GFPT2: variants seen among roughly 807,000 people sequenced by gnomAD.
GFPT2 encodes the protein glutamine--fructose-6-phosphate transaminase 2.
In GFPT2, 62 loss-of-function variants were observed where a neutral mutation model predicts 85.6. The ratio of observed to expected loss-of-function variants is 0.72; its 90% CI spans 0.59 to 0.90. The LOEUF (loss-of-function observed/expected upper bound fraction) is 0.90, where lower values mean the gene tolerates loss of function less well. Ranked by LOEUF, GFPT2 falls within the 40% of genes least tolerant of loss-of-function variation. The pLI is 0.00. For missense variants in GFPT2, 788 were observed against 893.4 expected (o/e 0.88, Z 1.50); for synonymous variants, 368 against 344.5 (o/e 1.07, Z -0.75).
At chr5:180,305,820 G>A (rs1472017419) in intron 16 of GFPT2, among the ~76,000 whole-genome samples, 1 of 152,172 alleles carries the variant, frequency 6.6e-6, no homozygotes, top group Non-Finnish European at 1.5e-5. Context: ...AGCAGCACCT[G>A]CCTGTTCTTT....
intron 1 of GFPT2, among the ~76,000 whole-genome samples, chr5:180,350,977 C>T (rs1764700579): frequency 6.6e-6 from 1 of 152,244 alleles, no homozygotes; most frequent in Non-Finnish European, 1.5e-5. Flanking sequence ...ACAGACTTCG[C>T]AGGGCCTCAG....
At chr5:180,335,992 C>T (rs1435511101) in intron 3 of GFPT2, 39 bp from the exon 4 acceptor site, 1 of 1,541,508 alleles carries the variant, frequency 6.5e-7, no homozygotes, top group Non-Finnish European at 8.7e-7. Flanking sequence ...ACTTGAACAA[C>T]AAGCCTCGAC....
intron 3 of GFPT2, 184 bp downstream of exon 3, chr5:180,336,295 C>G: frequency 1.6e-6 from 1 of 632,362 alleles, no homozygotes; most frequent in Non-Finnish European, 2.8e-6. Context: ...CATGCGCCGC[C>G]ACCACCTAAA....
rs1763916442 is a variant in GFPT2, at chr5:180,312,666, G to A, written c.1432-122C>T. 1.9e-5 allele frequency: 12 copies of A among 617,664 alleles called. No homozygotes were observed. The South Asian group carries it at 2.2e-4, about 11-fold the overall frequency. 38.3% of individuals were successfully genotyped at this position (617,664 alleles called of 1,614,324 possible). A position where few individuals can be genotyped will look rare whatever the true frequency, so the allele number is the denominator to read the frequency against. On this transcript the variant is annotated intron_variant, in intron 14 of 18. Transcript: ENST00000253778. ...TGCAGTGGCGAGATCACGGCTCACT[G>A]CAGCCTCAACCTCCTCAAGTGATTC...
At chr5:180,336,336 T>C (rs958366928) in intron 3 of GFPT2, 143 bp downstream of exon 3, 4 of 698,772 alleles carry the variant, frequency 5.7e-6, no homozygotes, top group African/African-American at 1.8e-5. Context: ...CGAAGCCCGG[T>C]TTTACAGCAC....
In GFPT2 at chr5:180,345,779, G is replaced by C. The variant is rs28667546; in HGVS notation, c.8-7179C>G. 3.4e-4 allele frequency among the ~76,000 whole-genome samples: 51 copies of C among 152,168 alleles called. 1 individual carries two copies. The highest frequency in any genetic ancestry group is 2.6e-3 in the Admixed American group (39 of 15,288). Reference sequence around the variant, plus strand: ...AGATGGAGGAATGCCAGAGAAGGTAGCCTTTGAGCTGGGTCTGAGACAGCC... The same window carrying C: ...AGATGGAGGAATGCCAGAGAAGGTACCCTTTGAGCTGGGTCTGAGACAGCC... On this transcript the variant is annotated intron_variant, in intron 1 of 18. Transcript: ENST00000253778.
In GFPT2 at chr5:180,313,866, C is replaced by G. The variant is rs1422272689; in HGVS notation, c.1372G>C (p.Glu458Gln). ...TNTVGSSISR[E>Q]TDCGVHINAG... ...TTGATGTGGACGCCGCAGTCGGTCT[C>G]GCGAGAGATGGAGCTGCCCACGGTG... The change falls in exon 14 of 19, where the codon GAG becomes CAG. Residue 458 changes from glutamate (E) to glutamine (Q), a missense_variant. Transcript: ENST00000253778. The G allele has an allele frequency of 5.0e-6, 8 of 1,603,694 alleles. No homozygotes were observed. The highest frequency in any genetic ancestry group is 6.8e-6 in the Non-Finnish European group (8 of 1,178,046).
intron 12 of GFPT2, 101 bp downstream of exon 12, chr5:180,316,663 G>T: frequency 1.0e-6 from 1 of 967,160 alleles, no homozygotes. Context: ...TGGGTACAAG[G>T]GCTTAGCCAA....
intron 7 of GFPT2, among the ~76,000 whole-genome samples, chr5:180,325,414 ACTT>A (rs1447341168): frequency 6.6e-6 from 1 of 151,982 alleles, no homozygotes; most frequent in Admixed American, 6.6e-5. Flanking sequence ...TATATTCTCT[ACTT>A]TGTAGGTGAC....
intron 4 of GFPT2, among the ~76,000 whole-genome samples, chr5:180,335,450 G>A (rs1302295900): frequency 1.3e-5 from 2 of 152,216 alleles, no homozygotes; most frequent in Non-Finnish European, 2.9e-5. Context: ...ACCCATCCTT[G>A]CCTGAAGGGT....
chr5:180,307,828 G>A (rs1431059875), intron 15 of GFPT2, among the ~76,000 whole-genome samples: 35 of 152,226 alleles, frequency 2.3e-4, no homozygotes, highest in Admixed American at 2.3e-3. Context: ...AAATAACACT[G>A]AGGACCAGGC....
At position 180,313,921 on chromosome 5, in the gene GFPT2, G is replaced by T; in HGVS notation, c.1317C>A (p.Asp439Glu). 1 of 1,605,178 alleles carries T rather than the reference G, an allele frequency of 6.2e-7. No individual in the cohort carries two copies. The change falls in exon 14 of 19, where the codon GAC becomes GAA. Residue 439 changes from aspartate (D) to glutamate (E), a missense_variant. Asp to Glu is a conservative substitution (Grantham distance 45). Coordinates refer to ENST00000253778, the MANE Select transcript of GFPT2 (RefSeq NM_005110.4). Reference sequence around the variant, plus strand: ...TGACGCCCACGGTGAGAGCGCCGCGGTCCTTACAGTAGCGCAGCGCCAGGA... The same window carrying T: ...TGACGCCCACGGTGAGAGCGCCGCGTTCCTTACAGTAGCGCAGCGCCAGGA... ...DTLLALRYCK[D>E]RGALTVGVTN...
intron 4 of GFPT2, among the ~76,000 whole-genome samples, chr5:180,332,728 C>A (rs940263377): frequency 4.6e-5 from 7 of 152,046 alleles, no homozygotes; most frequent in Non-Finnish European, 1.0e-4. Context: ...TTAGTAGAGA[C>A]AGGGTTTCAC....
intron 15 of GFPT2, among the ~76,000 whole-genome samples, chr5:180,311,875 G>A (rs1449040942): frequency 1.3e-5 from 2 of 152,166 alleles, no homozygotes; most frequent in East Asian, 1.9e-4. Context: ...TGTATGCAGA[G>A]CAGGAAGAAG....
At chr5:180,307,398 G>T in intron 15 of GFPT2, 95 bp from the exon 16 acceptor site, 1 of 1,236,954 alleles carries the variant, frequency 8.1e-7, no homozygotes, top group Non-Finnish European at 1.2e-6. Flanking sequence ...AGGAGCTTTT[G>T]AAACCGCATC....
chr5:180,329,978 T>G (rs1262706105), intron 6 of GFPT2, among the ~76,000 whole-genome samples: 1 of 152,206 alleles, frequency 6.6e-6, no homozygotes, highest in Non-Finnish European at 1.5e-5. Context: ...CCTCTCTCCC[T>G]CTTTTGGGCC....
intron 1 of GFPT2, among the ~76,000 whole-genome samples, chr5:180,341,404 C>T (rs1348963745): frequency 6.6e-6 from 1 of 152,176 alleles, no homozygotes; most frequent in Non-Finnish European, 1.5e-5. Context: ...CAATATGCTA[C>T]ATCTGAATAA....
Position 180,313,735 on chromosome 5 carries a change from G to C in GFPT2, c.1431+72C>G, listed in dbSNP as rs968381938. 6 of 1,370,970 alleles carry C rather than the reference G, an allele frequency of 4.4e-6. No homozygotes were observed. The African/African-American group carries it at 8.7e-5, about 20-fold the overall frequency. The allele number at this position is 1,370,970 out of a possible 1,614,324, so 84.9% of individuals were successfully genotyped here. ...GCGGTGGCGCGGGCAGAGCAGGCCG[G>C]AGGAGGGCGGCCTCTGGTGCACCTG... On this transcript the variant is annotated intron_variant, in intron 14 of 18. Coordinates refer to ENST00000253778, the MANE Select transcript of GFPT2 (RefSeq NM_005110.4).
At chr5:180,314,363 T>C (rs1430531404) in intron 13 of GFPT2, among the ~76,000 whole-genome samples, 2 of 152,122 alleles carry the variant, frequency 1.3e-5, no homozygotes, top group African/African-American at 4.8e-5. Context: ...TGGAACAGAT[T>C]TAACATCTGA....
Sources: allele counts gnomAD v4.1 joint callset (sites outside exome capture counted in the v4.1 genomes callset), GRCh38; gene constraint gnomAD v4.1.1; transcripts MANE v1.5; gene names NCBI Gene and HGNC (gene_info 2026-07-23, HGNC 2026-07-21).